Variants in KIF7 observed in about 807,000 individuals in gnomAD.
The protein encoded by KIF7 is kinesin family member 7.
Under a neutral mutation model 135.7 loss-of-function variants are expected in KIF7, and 104 were observed. The ratio of observed to expected loss-of-function variants is 0.77; its 90% CI spans 0.65 to 0.90. The LOEUF (loss-of-function observed/expected upper bound fraction) is 0.90, where lower values mean the gene tolerates loss of function less well. KIF7 is among the 40% of genes least tolerant of loss of function. The pLI is 0.00. For missense variants in KIF7, 2,005 were observed against 1,839.1 expected (o/e 1.09, Z -1.65); for synonymous variants, 883 against 809.4 (o/e 1.09, Z -1.54).
At chr15:89,625,912 TCTTA>T (rs1567054299), downstream of KIF7, 5 of 1,549,334 alleles carry the variant, frequency 3.2e-6, no homozygotes, top group Admixed American at 2.0e-5. Context: ...GGGACGCTGC[TCTTA>T]CTATGTGGGA....
At chr15:89,631,431 G>A (rs1963672665) in intron 15 of KIF7, 64 bp downstream of exon 15, 1 of 1,409,146 alleles carries the variant, frequency 7.1e-7, no homozygotes, top group African/African-American at 1.4e-5. Context: ...AGCAAGGGCT[G>A]AGGAGAGCAG....
chr15:89,634,034 C>T (rs1963747456), intron 11 of KIF7, 151 bp from the exon 12 acceptor site: 1 of 838,968 alleles, frequency 1.2e-6, no homozygotes, highest in Non-Finnish European at 2.0e-6. Context: ...TGCGGTGGCT[C>T]ACGTCTGTAA....
In KIF7 at chr15:89,645,237, G is replaced by C. The variant is rs553000694; in HGVS notation, c.2039-72C>G. ...GGAGACAGAGGAGTGGAGAGCAGGG[G>C]CTGCCAGGGATGGTGGGTGGGACTG... On this transcript the variant is annotated intron_variant, in intron 9 of 18. Transcript: ENST00000394412. 3.7e-6 allele frequency: 6 copies of C among 1,601,892 alleles called. No homozygotes were observed. The East Asian group carries it at 1.3e-4, about 36-fold the overall frequency.
intron 2 of KIF7, among the ~76,000 whole-genome samples, chr15:89,650,608 G>A (rs538592900): frequency 3.0e-4 from 46 of 152,274 alleles, no homozygotes; most frequent in Middle Eastern, 3.4e-3. Flanking sequence ...TGGCCAGGCC[G>A]GTCTCAAACT....
chr15:89,648,603 G>A lies in KIF7; in HGVS notation c.1095C>T (p.Pro365=). The A allele has an allele frequency of 1.3e-6, 2 of 1,531,180 alleles. No homozygotes were observed. Among genetic ancestry groups the A allele is most frequent in the Non-Finnish European group, 1.7e-6 (2 of 1,143,754 alleles). The allele number at this position is 1,531,180 out of a possible 1,614,324, so 94.8% of individuals were successfully genotyped here. The change falls in exon 5 of 19, where the codon CCC becomes CCT. Residue 365 remains proline (P), a synonymous_variant. Coordinates refer to ENST00000394412, the MANE Select transcript of KIF7 (RefSeq NM_198525.3). ...CCCGCGCGCCGCTCGCCGTCTCTTCGGGTGGCCGCTCGGCCTCGGGCCGCC... is the reference window on the plus strand; with the variant it reads ...CCCGCGCGCCGCTCGCCGTCTCTTCAGGTGGCCGCTCGGCCTCGGGCCGCC... The part of the protein sequence containing the change: ...VNWRPEAERP[P]EETASGARGP...
At position 89,640,293 on chromosome 15, in the gene KIF7, A is replaced by T. The variant is rs1596073185; in HGVS notation, c.2394+1910T>A. Reference sequence around the variant, plus strand: ...TGTACCCTAAAACTTAAAGTATAATAATAATAAATTAAAAATAATAATAAT... The same window carrying T: ...TGTACCCTAAAACTTAAAGTATAATTATAATAAATTAAAAATAATAATAAT... On this transcript the variant is annotated intron_variant, in intron 11 of 18. Coordinates refer to ENST00000394412, the MANE Select transcript of KIF7 (RefSeq NM_198525.3). Among the ~76,000 whole-genome samples the T allele has an allele frequency of 4.2e-5, 5 of 117,814 alleles. No homozygotes were observed. In the South Asian group the frequency reaches 1.9e-3, roughly 44 times the overall value. 77.3% of individuals were successfully genotyped at this position (117,814 alleles called of 152,430 possible).
intron 6 of KIF7, 131 bp downstream of exon 6, chr15:89,647,465 C>A (rs1596077562): frequency 1.2e-6 from 1 of 800,218 alleles, no homozygotes; most frequent in Non-Finnish European, 2.1e-6. Context: ...CGCTCATGTG[C>A]ACCTCCTGAC....
intron 11 of KIF7, among the ~76,000 whole-genome samples, chr15:89,637,398 T>G (rs1963831533): frequency 1.3e-5 from 2 of 151,606 alleles, no homozygotes; most frequent in Admixed American, 1.3e-4. Flanking sequence ...GGAGCTGGTT[T>G]TTTGAAAGGA....
chr15:89,622,033 C>T lies in KIF7; in HGVS notation c.181-3838G>A, dbSNP rs200969353. ...ACAGAGTCTTACTATTTTGCACAGG[C>T]TGGAGTGCAGTGGCACGATCTCAGC... On this transcript the variant is annotated intron_variant and NMD_transcript_variant, in intron 1 of 2. Transcript: ENST00000558928. Among the ~76,000 whole-genome samples, 7 of 130,274 alleles carry T rather than the reference C, an allele frequency of 5.4e-5. No homozygotes were observed. The East Asian group carries it at 1.6e-3, about 29-fold the overall frequency. 85.5% of individuals were successfully genotyped at this position (130,274 alleles called of 152,430 possible).
intron 17 of KIF7, 93 bp downstream of exon 17, chr15:89,629,282 G>C (rs532236421): frequency 1.7e-6 from 2 of 1,192,956 alleles, no homozygotes; most frequent in Admixed American, 4.7e-5. Context: ...TGGCAGGGGC[G>C]GTGGGGGGAG....
In KIF7 at chr15:89,642,310, G is replaced by A. The variant is rs1324022945; in HGVS notation, c.2287C>T (p.Gln763Ter). Residue 763 changes from glutamine (Q) to a stop codon, truncating the protein, a stop_gained, in exon 11 of 19, where the codon CAG becomes TAG. Transcript: ENST00000394412. LOFTEE classifies it high-confidence loss of function. ...EQVRAELSEG[Q>*]RQLRELEGKE... ...CCCTCGAGCTCCCGCAGCTGCCTCT[G>A]GCCTTCACTCAGCTCGGCCCGCACC... 1 of 1,610,906 alleles carries A rather than the reference G, an allele frequency of 6.2e-7. No homozygotes were observed. Among genetic ancestry groups the A allele is most frequent in the Non-Finnish European group, 8.5e-7 (1 of 1,179,512 alleles).
intron 1 of KIF7, among the ~76,000 whole-genome samples, 160 bp downstream of exon 1, chr15:89,655,239 G>T (rs1263373604): frequency 6.6e-6 from 1 of 152,202 alleles, no homozygotes; most frequent in Non-Finnish European, 1.5e-5. Context: ...GCTTCCAGGA[G>T]GCTGGGGAGC....
At chr15:89,625,836 G>A (rs1339938131), downstream of KIF7, 1 of 1,557,144 alleles carries the variant, frequency 6.4e-7, no homozygotes, top group Non-Finnish European at 8.7e-7. Context: ...TTTGGTCAGA[G>A]TGCTTGACAA....
chr15:89,643,164 A>G (rs1340321628), intron 10 of KIF7, among the ~76,000 whole-genome samples: 2 of 152,208 alleles, frequency 1.3e-5, no homozygotes, highest in Admixed American at 1.3e-4. Flanking sequence ...GGCCCTCTGC[A>G]TCTGTGGGTT....
chr15:89,654,412 CCT>C (rs1964176145), intron 1 of KIF7, among the ~76,000 whole-genome samples: 1 of 152,052 alleles, frequency 6.6e-6, no homozygotes, highest in African/African-American at 2.4e-5. Flanking sequence ...TTCCTCGCCT[CCT>C]CTCTCTGCCT....
chr15:89,655,968 T>C (rs1027292394), upstream of KIF7, among the ~76,000 whole-genome samples: 5 of 152,192 alleles, frequency 3.3e-5, no homozygotes, highest in African/African-American at 1.2e-4. Context: ...AAAGAGATGG[T>C]TGGTGTCTTC....
intron 15 of KIF7, 131 bp downstream of exon 15, chr15:89,631,364 C>T: frequency 1.2e-6 from 1 of 809,838 alleles, no homozygotes; most frequent in Non-Finnish European, 1.9e-6. Context: ...CCACCTCCAC[C>T]TAACAGTGAA....
downstream of KIF7, chr15:89,624,961 A>G: frequency 6.2e-7 from 1 of 1,613,990 alleles, no homozygotes; most frequent in Non-Finnish European, 8.5e-7. Flanking sequence ...TTGGCATTCC[A>G]CAGACTCTGC....
chr15:89,642,630 C>T (rs539136381), intron 10 of KIF7, among the ~76,000 whole-genome samples: 3 of 152,330 alleles, frequency 2.0e-5, no homozygotes, highest in Non-Finnish European at 2.9e-5. Context: ...AGTGCAGTGG[C>T]GCAATCTTGG....
Sources: gnomAD v4.1 joint callset for allele counts (sites outside exome capture counted in the v4.1 genomes callset) on GRCh38, gnomAD v4.1.1 for gene constraint, MANE v1.5 for transcripts, NCBI Gene and HGNC (gene_info 2026-07-23, HGNC 2026-07-21) for gene names.